The following KCTD1 variants were observed in gnomAD, a reference collection of about 807,000 sequenced individuals.
The protein encoded by KCTD1 is BTB/POZ domain-containing protein KCTD1.
KCTD1 carries 24 observed loss-of-function variants against 66.0 expected under a neutral mutation model. That is an observed-to-expected ratio of 0.36 (90% CI 0.26 to 0.51). The LOEUF is 0.51. Ranked by LOEUF, KCTD1 falls within the 20% of genes least tolerant of loss-of-function variation. The pLI is 0.95. For missense variants in KCTD1, 943 were observed against 1,205.2 expected (o/e 0.78, Z 3.22); for synonymous variants, 511 against 517.2 (o/e 0.99, Z 0.16).
chr18:26,550,557 G>GACACACAC (rs907937404), upstream of KCTD1, among the ~76,000 whole-genome samples: 116 of 83,672 alleles, frequency 1.4e-3, 1 homozygote, highest in African/African-American at 6.1e-3. This position sits in a 1 kb window ranked among gnomAD's most constrained non-coding sequence, Gnocchi z 5.4. Context: ...GGAAACACAA[G>GACACACAC]ACACACAGAC....
chr18:26,601,672 A>G (rs1986903217), intron 1 of KCTD1, among the ~76,000 whole-genome samples: 1 of 152,170 alleles, frequency 6.6e-6, no homozygotes, highest in South Asian at 2.1e-4. Context: ...CCAATTCTTT[A>G]GGTCTTTAAT....
chr18:26,643,438 G>C (rs1987868772), upstream of KCTD1, among the ~76,000 whole-genome samples: 1 of 152,310 alleles, frequency 6.6e-6, no homozygotes, highest in South Asian at 2.1e-4. Flanking sequence ...GGCCAATGGA[G>C]ACAGGAAAGA....
chr18:26,548,263 C>T lies in KCTD1; in HGVS notation c.274G>A (p.Glu92Lys), dbSNP rs971143656. ...GGGLEEDEEE[E>K]EEEEMGLDWD... is the part of the protein sequence containing the mutation. ...TCCAGCCCCATCTCCTCCTCTTCCT[C>T]CTCCTCCTCGTCCTCCTCCAGCCCC... The change falls in exon 1 of 5, where the codon GAG becomes AAG. Residue 92 changes from glutamate to lysine, a missense_variant. By Grantham distance (56) the Glu-to-Lys change is moderately conservative (BLOSUM62 1). Around this residue, in one of 10 missense-constraint regions of KCTD1, gnomAD observed 236 missense variants for 206.6 expected, o/e 1.14. Transcript: ENST00000580059. The T allele has an allele frequency of 6.6e-7, 1 of 1,514,692 alleles. No individual in the cohort carries two copies. Among genetic ancestry groups the T allele is most frequent in the Non-Finnish European group, 8.8e-7 (1 of 1,135,220 alleles). 93.8% of individuals were successfully genotyped at this position (1,514,692 alleles called of 1,614,324 possible).
chr18:26,603,273 T>C lies in KCTD1; in HGVS notation c.-16+25874A>G, dbSNP rs1444836142. 2.0e-5 allele frequency among the ~76,000 whole-genome samples: 3 copies of C among 150,324 alleles called. 1 individual carries two copies. Among genetic ancestry groups the C allele is most frequent in the Non-Finnish European group, 4.4e-5 (3 of 67,646 alleles). The stretch of plus-strand genomic sequence containing the variant: ...GGTGAAACCTTGTCTGTACTAGAAA[T>C]ACAAAAAAACTAGCCAGACATGGTG... On this transcript the variant is annotated intron_variant, in intron 1 of 4. Coordinates refer to the KCTD1 transcript ENST00000317932.
At chr18:26,486,689 T>C (rs1981937672) in intron 2 of KCTD1, among the ~76,000 whole-genome samples, 1 of 152,148 alleles carries the variant, frequency 6.6e-6, no homozygotes, top group South Asian at 2.1e-4. Flanking sequence ...GCCCCGTCTC[T>C]CCCTATTTTT....
At chr18:26,602,205 T>C (rs1986914732) in intron 1 of KCTD1, among the ~76,000 whole-genome samples, 1 of 152,220 alleles carries the variant, frequency 6.6e-6, no homozygotes, top group Non-Finnish European at 1.5e-5. Flanking sequence ...GCCAACTGAT[T>C]TTTCTGTGTC....
At position 26,493,744 on chromosome 18, in the gene KCTD1, AATT is replaced by A. The variant is rs1190059231; in HGVS notation, c.1988+7325_1988+7327del. 2.0e-5 allele frequency among the ~76,000 whole-genome samples: 3 copies of A among 152,310 alleles called. No homozygotes were observed. The East Asian group carries it at 5.8e-4, about 29-fold the overall frequency. ...TTAGTTATTTTAAAATGTACAATTA[AATT>A]ATTATTGACTATAGTCACTGTGTTG... On this transcript the variant is annotated intron_variant, in intron 2 of 4. Transcript: ENST00000580059.
upstream of KCTD1, chr18:26,548,687 G>T: frequency 1.0e-6 from 1 of 998,978 alleles, no homozygotes; most frequent in Non-Finnish European, 1.2e-6. Flanking sequence ...CCCGAGCGCA[G>T]CTCCGGAGGG....
upstream of KCTD1, among the ~76,000 whole-genome samples, chr18:26,633,360 C>A (rs1190522996): frequency 2.6e-5 from 4 of 151,914 alleles, no homozygotes; most frequent in Admixed American, 6.6e-5. Flanking sequence ...CAAAACAAGA[C>A]AAATTATCAT....
chr18:26,554,442 C>T (rs1985656074), intron 1 of KCTD1, among the ~76,000 whole-genome samples: 1 of 137,686 alleles, frequency 7.3e-6, no homozygotes, highest in Admixed American at 7.1e-5. Context: ...CACCTAAACA[C>T]TGGTACATGT....
At chr18:26,457,015 T>C (rs1980125680) in intron 4 of KCTD1, 1 of 151,868 alleles carries the variant, frequency 6.6e-6, no homozygotes, top group Non-Finnish European at 1.5e-5. Flanking sequence ...GAATCCTTAC[T>C]TTTTTAAAAA....
chr18:26,599,807 T>A, intron 1 of KCTD1: 1 of 1,562,620 alleles, frequency 6.4e-7, no homozygotes, highest in Non-Finnish European at 8.8e-7. Flanking sequence ...CGGGAGCCCC[T>A]AACCCCTGAG....
At chr18:26,654,941 T>C (rs1988101825) in intron 1 of KCTD1, among the ~76,000 whole-genome samples, 1 of 152,170 alleles carries the variant, frequency 6.6e-6, no homozygotes, top group South Asian at 2.1e-4. Context: ...GTAAGCCAAA[T>C]GCCACACAAA....
intron 1 of KCTD1, chr18:26,600,163 GC>G: frequency 6.2e-7 from 1 of 1,605,754 alleles, no homozygotes; most frequent in Non-Finnish European, 8.5e-7. Context: ...CTGTGGCCTT[GC>G]CAAAGAACTG....
At chr18:26,616,141 C>CT (rs11354165) in intron 1 of KCTD1, among the ~76,000 whole-genome samples, 43,000 of 137,954 alleles carry the variant, frequency 0.31, 5,942 homozygotes, top group African/African-American at 0.35. Flanking sequence ...TTAAGTGTTT[C>CT]TTTTTTTTTT....
At chr18:26,492,114 C>T (rs1026907400) in intron 2 of KCTD1, among the ~76,000 whole-genome samples, 18 of 152,110 alleles carry the variant, frequency 1.2e-4, no homozygotes, top group Non-Finnish European at 2.5e-4. Flanking sequence ...TGGTGACATG[C>T]ACCTGTAGTT....
chr18:26,499,592 C>T (rs1251701704), intron 2 of KCTD1, among the ~76,000 whole-genome samples: 1 of 152,178 alleles, frequency 6.6e-6, no homozygotes, highest in Non-Finnish European at 1.5e-5. Flanking sequence ...CCAACCTTCA[C>T]ATTCTTTCAT....
intron 1 of KCTD1, among the ~76,000 whole-genome samples, chr18:26,620,491 T>C (rs1279175001): frequency 7.8e-6 from 1 of 127,418 alleles, no homozygotes; most frequent in Non-Finnish European, 1.6e-5. Context: ...GGCTGGAGTG[T>C]GGTGGTGCAA....
intron 1 of KCTD1, among the ~76,000 whole-genome samples, chr18:26,608,609 C>T (rs917268382): frequency 6.6e-6 from 1 of 152,068 alleles, no homozygotes; most frequent in Non-Finnish European, 1.5e-5. Flanking sequence ...TGCACTGTCA[C>T]CCCCCAGCCC....
Sources: allele counts gnomAD v4.1 joint callset (sites outside exome capture counted in the v4.1 genomes callset), GRCh38; gene constraint gnomAD v4.1.1; regional missense constraint gnomAD v4.1.1; non-coding constraint Gnocchi (gnomAD v3.1); transcripts MANE v1.5; gene names NCBI Gene and HGNC (gene_info 2026-07-23, HGNC 2026-07-21).